The following TRIM48 variants were observed in gnomAD, a reference collection of about 807,000 sequenced individuals.
TRIM48 encodes the protein tripartite motif containing 48, also known as E3 ubiquitin-protein ligase TRIM48.
Under a neutral mutation model 29.5 loss-of-function variants are expected in TRIM48, and 31 were observed. That is an observed-to-expected ratio of 1.05 (90% confidence interval 0.79 to 1.42). The LOEUF (loss-of-function observed/expected upper bound fraction) is 1.42, where lower values mean the gene tolerates loss of function less well. TRIM48 is among the 40% of genes most tolerant of loss of function. TRIM48 has a pLI of 0.00. For synonymous variants in TRIM48, 128 were observed against 90.6 expected, an observed-to-expected ratio of 1.41 and a Z score of -2.34; for missense variants, 344 against 265.0, an observed-to-expected ratio of 1.30 and a Z score of -2.07.
intron 3 of TRIM48, 130 bp from the exon 4 acceptor site, chr11:55,268,220 A>C: frequency 1.2e-6 from 1 of 859,004 alleles, no homozygotes; most frequent in Non-Finnish European, 1.8e-6. Context: ...AAGAAATAGA[A>C]AATGCTTTGC....
chr11:55,266,940 T>C lies in TRIM48; in HGVS notation c.555+1245T>C, dbSNP rs1433991554. Among the ~76,000 whole-genome samples, 6 of 147,922 alleles carry C rather than the reference T, an allele frequency of 4.1e-5. 2 individuals are homozygous for C. Among genetic ancestry groups the C allele is most frequent in the African/African-American group, 1.5e-4 (6 of 40,476 alleles). On this transcript the variant is annotated intron_variant, in intron 3 of 5. Transcript: ENST00000417545. ...GAGACAAAAATGGCCAAATCATAAA[T>C]GCAGCTTTATTAGGATAGGTTTTGC... is the stretch of plus-strand genomic sequence containing the variant.
At chr11:55,265,467 G>A in intron 2 of TRIM48, 133 bp from the exon 3 acceptor site, 2 of 1,481,972 alleles carry the variant, frequency 1.3e-6, no homozygotes, top group Admixed American at 2.0e-5. Flanking sequence ...ATTTGACGAG[G>A]AAGAAGTGAA....
rs1396808892 is a variant in TRIM48 at position 55,269,416 on chromosome 11, C to T, written c.*1+77C>T. On this transcript the variant is annotated intron_variant, in intron 5 of 5. Coordinates refer to ENST00000417545, the MANE Select transcript of TRIM48 (RefSeq NM_024114.5). Reference sequence around the variant, plus strand: ...TAGGATCACATAGGTAATATTTCATCCTTTATCAAATATTTTACTACTTTA... The same window carrying T: ...TAGGATCACATAGGTAATATTTCATTCTTTATCAAATATTTTACTACTTTA... 9.3e-6 allele frequency: 14 copies of T among 1,499,834 alleles called. 3 individuals are homozygous for T. Among genetic ancestry groups the T allele is most frequent in the Non-Finnish European group, 1.2e-5 (13 of 1,115,434 alleles). The allele number at this position is 1,499,834 out of a possible 1,614,324, so 92.9% of individuals were successfully genotyped here.
intron 5 of TRIM48, among the ~76,000 whole-genome samples, 153 bp from the exon 6 acceptor site, chr11:55,270,284 A>G (rs568775340): frequency 2.7e-5 from 4 of 148,024 alleles, no homozygotes; most frequent in African/African-American, 7.4e-5. Flanking sequence ...TCATCTCTAT[A>G]CTTTATTAGA....
At position 55,268,291 on chromosome 11, in the gene TRIM48, C is replaced by T. The variant is rs189454184; in HGVS notation, c.556-59C>T. ...AACTGACTCCAAATTTCACACTGAACTTAATGAAAGATGCATCTTGTGAAC... is the reference window on the plus strand; with the variant it reads ...AACTGACTCCAAATTTCACACTGAATTTAATGAAAGATGCATCTTGTGAAC... On this transcript the variant is annotated intron_variant, in intron 3 of 5. Coordinates refer to ENST00000417545, the MANE Select transcript of TRIM48 (RefSeq NM_024114.5). 2.9e-5 allele frequency: 41 copies of T among 1,395,614 alleles called. 2 individuals carry two copies. Among genetic ancestry groups the T allele is most frequent in the East Asian group, 2.1e-4 (8 of 38,622 alleles). 86.5% of individuals were successfully genotyped at this position (1,395,614 alleles called of 1,614,324 possible). A position where few individuals can be genotyped will look rare whatever the true frequency, so the allele number is the denominator to read the frequency against.
chr11:55,269,316 G>A lies in TRIM48; in HGVS notation c.653G>A (p.Arg218Lys), dbSNP rs769284668. 1.9e-5 allele frequency: 30 copies of A among 1,575,654 alleles called. 5 individuals carry two copies. The Admixed American group carries it at 4.6e-4, about 24-fold the overall frequency. The change falls in exon 5 of 6, where the codon AGG (arginine) becomes AAG (lysine). Residue 218 changes from arginine (R) to lysine (K), a missense_variant. Transcript: ENST00000417545. ...ALRAGPITGL[R>K]DRLNQF ...AGGGCAGGGCCCATCACTGGACTGA[G>A]GGACAGGCTCAACCAATTCTGAGGT...
At chr11:55,266,467 C>A (rs1276109246) in intron 3 of TRIM48, among the ~76,000 whole-genome samples, 3 of 147,432 alleles carry the variant, frequency 2.0e-5, no homozygotes, top group Non-Finnish European at 4.5e-5. Context: ...AGAAAGAAAG[C>A]ATCTTTGTCC....
In TRIM48 at chr11:55,265,285, C is replaced by A. The variant is rs759208465; in HGVS notation, c.430C>A (p.Pro144Thr). 6.3e-7 allele frequency: 1 copy of A among 1,582,114 alleles called. No individual in the cohort carries two copies. The highest frequency in any genetic ancestry group is 1.4e-5 in the African/African-American group (1 of 73,428). ...GGAGCACCGGTATCACAGACACTGT[C>A]CCGCTGAGTGGGCTGCTGAGGAACA... ...SQEHRYHRHC[P>T]AEWAAEEHWE... Residue 144 changes from proline to threonine, a missense_variant, in exon 2 of 6, where the codon CCC becomes ACC. By Grantham distance (38) the Pro-to-Thr change is conservative. Coordinates refer to ENST00000417545, the MANE Select transcript of TRIM48 (RefSeq NM_024114.5).
In TRIM48 at chr11:55,269,472, C is replaced by T. The variant is rs957553827; in HGVS notation, c.*1+133C>T. 3 of 1,235,864 alleles carry T rather than the reference C, an allele frequency of 2.4e-6. No individual in the cohort carries two copies. The African/African-American group carries it at 4.6e-5, about 19-fold the overall frequency. The allele number at this position is 1,235,864 out of a possible 1,614,324, so 76.6% of individuals were successfully genotyped here. ...ATAAGAGAACAATATAATCATGCAA[C>T]CCTTTTGTATCTGTGTCTGTATAGT... On this transcript the variant is annotated intron_variant, in intron 5 of 5. Transcript: ENST00000417545.
Position 55,270,509 on chromosome 11 carries a change from T to C in TRIM48, c.*74T>C. ...TGTGGAGATTTGAGAAGCATTTGTA[T>C]TGGATGTGACCGTCAAAATCCGCCC... On this transcript the variant is annotated 3_prime_UTR_variant, in exon 6 of 6. Transcript: ENST00000417545. The C allele has an allele frequency of 4.4e-6, 7 of 1,578,210 alleles. No homozygotes were observed. Among genetic ancestry groups the C allele is most frequent in the Non-Finnish European group, 5.2e-6 (6 of 1,162,504 alleles).
At position 55,262,651 on chromosome 11, in the gene TRIM48, T is replaced by A. The variant is rs532114039; in HGVS notation, c.44+340T>A. ...GTGTATTAATATTATACAATTGAAT[T>A]GAGAAGACATTAATGAATGTTCATT... On this transcript the variant is annotated intron_variant, in intron 1 of 5. Coordinates refer to ENST00000417545, the MANE Select transcript of TRIM48 (RefSeq NM_024114.5). Among the ~76,000 whole-genome samples, 47 of 152,212 alleles carry A rather than the reference T, an allele frequency of 3.1e-4. 1 individual carries two copies. Among genetic ancestry groups the A allele is most frequent in the African/African-American group, 1.1e-3 (45 of 41,546 alleles).
At chr11:55,269,002 CT>C (rs1221994440) in intron 4 of TRIM48, among the ~76,000 whole-genome samples, 4 of 148,106 alleles carry the variant, frequency 2.7e-5, no homozygotes, top group African/African-American at 9.9e-5. Context: ...GGCTAAGGAA[CT>C]TTACACATTT....
At chr11:55,269,469 C>T in intron 5 of TRIM48, 130 bp downstream of exon 5, 1 of 1,258,042 alleles carries the variant, frequency 7.9e-7, no homozygotes, top group Non-Finnish European at 1.1e-6. Flanking sequence ...TATAATCATG[C>T]AACCCTTTTG....
chr11:55,269,324 C>T lies in TRIM48; in HGVS notation c.661C>T (p.Leu221Phe), dbSNP rs1192514270. Residue 221 changes from leucine (L) to phenylalanine (F), a missense_variant, in exon 5 of 6, where the codon CTC (leucine) becomes TTC (phenylalanine). Leu to Phe is a conservative substitution (Grantham distance 22). Coordinates refer to ENST00000417545, the MANE Select transcript of TRIM48 (RefSeq NM_024114.5). ...GCCCATCACTGGACTGAGGGACAGG[C>T]TCAACCAATTCTGAGGTAAGTCTCC... is the stretch of plus-strand genomic sequence containing the variant. ...AGPITGLRDRLNQF is the reference protein window; with the variant it reads ...AGPITGLRDRFNQF 5.1e-6 allele frequency: 8 copies of T among 1,575,468 alleles called. No homozygotes were observed. Among genetic ancestry groups the T allele is most frequent in the African/African-American group, 1.4e-5 (1 of 73,590 alleles).
intron 2 of TRIM48, 104 bp downstream of exon 2, chr11:55,265,418 C>G: frequency 2.6e-6 from 4 of 1,531,698 alleles, no homozygotes; most frequent in Middle Eastern, 2.4e-4. Flanking sequence ...TCCCTTTAAG[C>G]AACTCTCTTT....
chr11:55,269,443 A>G, intron 5 of TRIM48, 104 bp downstream of exon 5: 1 of 1,402,588 alleles, frequency 7.1e-7, no homozygotes, highest in Non-Finnish European at 9.6e-7. Context: ...ACTACTTTAT[A>G]AGCATAAGAG....
chr11:55,268,415 C>T lies in TRIM48; in HGVS notation c.578+43C>T, dbSNP rs751973226. The T allele has an allele frequency of 5.2e-5, 78 of 1,506,664 alleles. 9 individuals are homozygous for T. Among genetic ancestry groups the T allele is most frequent in the Admixed American group, 8.9e-5 (5 of 56,348 alleles). 93.3% of individuals were successfully genotyped at this position (1,506,664 alleles called of 1,614,324 possible). A position where few individuals can be genotyped will look rare whatever the true frequency, so the allele number is the denominator to read the frequency against. On this transcript the variant is annotated intron_variant, in intron 4 of 5. Transcript: ENST00000417545. ...TTTTAGCATATGTTCTTTCACTTTC[C>T]ACGAATATCAAAGCAGGCTCTACCA...
intron 2 of TRIM48, 108 bp from the exon 3 acceptor site, chr11:55,265,492 A>G: frequency 6.7e-7 from 1 of 1,481,694 alleles, no homozygotes; most frequent in Admixed American, 2.0e-5. Flanking sequence ...AAGAAATGCC[A>G]TTTACTAGGG....
rs1478797884 is a variant in TRIM48, at chr11:55,270,724, G to T, written c.*289G>T. On this transcript the variant is annotated 3_prime_UTR_variant, in exon 6 of 6. Coordinates refer to ENST00000417545, the MANE Select transcript of TRIM48 (RefSeq NM_024114.5). ...GGAGGGACTCTTTAGTCTTGGGTGT[G>T]TTAAGAACGACATTCAGTGCAGTCT... 29 of 1,566,738 alleles carry T rather than the reference G, an allele frequency of 1.9e-5. 1 individual carries two copies. The highest frequency in any genetic ancestry group is 2.4e-5 in the Non-Finnish European group (28 of 1,150,958).
Sources: gnomAD v4.1 joint callset for allele counts (sites outside exome capture counted in the v4.1 genomes callset) on GRCh38, gnomAD v4.1.1 for gene constraint, MANE v1.5 for transcripts, NCBI Gene and HGNC (gene_info 2026-07-23, HGNC 2026-07-21) for gene names.